The following RELCH variants were observed in gnomAD, a reference collection of about 807,000 sequenced individuals.
The protein encoded by RELCH is RAB11-binding protein RELCH.
In RELCH, 41 loss-of-function variants were observed where a neutral mutation model predicts 150.3. The observed-to-expected ratio is 0.27, with a 90% CI of 0.21 to 0.35. The LOEUF (loss-of-function observed/expected upper bound fraction) is 0.35. Ranked by LOEUF, RELCH falls within the 10% of genes least tolerant of loss-of-function variation. RELCH has a pLI of 1.00. For missense variants in RELCH, 1,092 were observed against 1,467.8 expected (o/e 0.74, Z 4.18); for synonymous variants, 478 against 531.8 (o/e 0.90, Z 1.39).
At chr18:62,277,655 G>A (rs1348286619) in intron 22 of RELCH, 1 of 975,076 alleles carries the variant, frequency 1.0e-6, no homozygotes, top group Non-Finnish European at 1.2e-6. Context: ...AACCTAATAG[G>A]GTATGGTCAC....
In RELCH at chr18:62,306,347, G is replaced by A. The variant is rs1741548019; in HGVS notation, c.*813G>A. The A allele has an allele frequency of 6.6e-6, 1 of 152,166 alleles. No homozygotes were observed. Among genetic ancestry groups the A allele is most frequent in the South Asian group, 2.1e-4 (1 of 4,830 alleles). The allele number at this position is 152,166 out of a possible 1,614,324, so 9.4% of individuals were successfully genotyped here. On this transcript the variant is annotated 3_prime_UTR_variant, in exon 29 of 29. Transcript: ENST00000644646. ...ATGTAACTGAGAAGAGTTAATAATTGTGAGATTTTTCCCAAATTGAGATAC... is the reference window on the plus strand; with the variant it reads ...ATGTAACTGAGAAGAGTTAATAATTATGAGATTTTTCCCAAATTGAGATAC...
intron 2 of RELCH, among the ~76,000 whole-genome samples, chr18:62,214,639 A>G (rs1279118148): frequency 2.0e-5 from 3 of 152,134 alleles, no homozygotes; most frequent in African/African-American, 7.2e-5. Context: ...TTTGAAATCT[A>G]GGTGCAGGCT....
rs143595897 is a variant in RELCH, at chr18:62,243,259, G to A, written c.1621-1505G>A. On this transcript the variant is annotated intron_variant, in intron 10 of 28. Coordinates refer to ENST00000644646, the MANE Select transcript of RELCH (RefSeq NM_001346231.2). ...CTACCCTAATATTGTTAAATTTCCA[G>A]CCAGACAGAATATTTACTATTTTGT... Among the ~76,000 whole-genome samples the A allele has an allele frequency of 2.1e-3, 314 of 152,082 alleles. 2 individuals carry two copies. The highest frequency in any genetic ancestry group is 7.1e-3 in the African/African-American group (295 of 41,512).
intron 18 of RELCH, among the ~76,000 whole-genome samples, chr18:62,265,942 G>A (rs1600148977): frequency 6.6e-6 from 1 of 151,790 alleles, no homozygotes. Flanking sequence ...AAATTATTTT[G>A]TATTTTTCAC....
At chr18:62,235,231 TC>T (rs2041821803) in intron 10 of RELCH, 1 of 152,068 alleles carries the variant, frequency 6.6e-6, no homozygotes, top group African/African-American at 2.4e-5. Flanking sequence ...AAAAAATTCC[TC>T]TTTTGAATAG....
chr18:62,241,027 C>T (rs1024263188), intron 10 of RELCH, among the ~76,000 whole-genome samples: 2 of 152,006 alleles, frequency 1.3e-5, no homozygotes, highest in Non-Finnish European at 2.9e-5. Context: ...TCTTCCTGTG[C>T]AAAGCTATCA....
Position 62,213,057 on chromosome 18 carries a change from A to C in RELCH, c.616+1815A>C, listed in dbSNP as rs190917257. 5.3e-5 allele frequency among the ~76,000 whole-genome samples: 8 copies of C among 152,330 alleles called. No homozygotes were observed. In the East Asian group the frequency reaches 1.5e-3, roughly 29 times the overall value. On this transcript the variant is annotated intron_variant, in intron 2 of 28. Coordinates refer to ENST00000644646, the MANE Select transcript of RELCH (RefSeq NM_001346231.2). ...AGCATCATTTATTGACAACTGTATC[A>C]AAGTGGCAAATCACATTGGTAATAT...
chr18:62,284,171 A>G (rs1397402063), intron 25 of RELCH: 1 of 152,228 alleles, frequency 6.6e-6, no homozygotes, highest in East Asian at 1.9e-4. Context: ...CATAGTGTCA[A>G]TATCTTAATT....
chr18:62,294,405 CATT>C (rs1424728043), intron 27 of RELCH, among the ~76,000 whole-genome samples: 1 of 152,062 alleles, frequency 6.6e-6, no homozygotes, highest in Non-Finnish European at 1.5e-5. Context: ...ATAAAATTAC[CATT>C]ATGTTTCTGA....
intron 22 of RELCH, 40 bp downstream of exon 22, chr18:62,275,513 AT>A (rs369130664): frequency 0.054 from 53,561 of 991,394 alleles, 2 homozygotes; most frequent in East Asian, 0.12. Context: ...AATTATAATG[AT>A]TTTTTTTTTT....
At chr18:62,205,626 C>T (rs1028748657) in intron 1 of RELCH, among the ~76,000 whole-genome samples, 1 of 152,140 alleles carries the variant, frequency 6.6e-6, no homozygotes, top group Non-Finnish European at 1.5e-5. Flanking sequence ...TCTGTGGTTA[C>T]TGTATTTGGT....
At chr18:62,246,882 A>G (rs2042441879) in intron 11 of RELCH, 1 of 152,202 alleles carries the variant, frequency 6.6e-6, no homozygotes, top group South Asian at 2.1e-4. Context: ...TCACAAACAA[A>G]GCCAGATAAA....
At chr18:62,240,726 CTG>C (rs1431938832) in intron 10 of RELCH, among the ~76,000 whole-genome samples, 2 of 152,124 alleles carry the variant, frequency 1.3e-5, no homozygotes, top group Non-Finnish European at 1.5e-5. Flanking sequence ...CATAGACACT[CTG>C]TTAAATATTT....
At chr18:62,222,013 A>G (rs1352759157) in intron 5 of RELCH, among the ~76,000 whole-genome samples, 2 of 152,008 alleles carry the variant, frequency 1.3e-5, no homozygotes, top group African/African-American at 4.8e-5. Context: ...TTTAAGCAAA[A>G]AAGATGTCTT....
chr18:62,273,910 G>T, intron 20 of RELCH, 70 bp from the exon 21 acceptor site: 2 of 909,526 alleles, frequency 2.2e-6, no homozygotes, highest in Non-Finnish European at 1.8e-6. Flanking sequence ...TCTAATTATA[G>T]ATAGGTAAAT....
At position 62,258,097 on chromosome 18, in the gene RELCH, T is replaced by C. The variant is rs779467144; in HGVS notation, c.2037+9T>C. The C allele has an allele frequency of 1.9e-6, 3 of 1,589,180 alleles. No homozygotes were observed. The highest frequency in any genetic ancestry group is 2.6e-6 in the Non-Finnish European group (3 of 1,167,752). On this transcript the variant is annotated intron_variant, in intron 14 of 28. Transcript: ENST00000644646. The stretch of plus-strand genomic sequence containing the variant: ...CAGACAAATATCATCAGGTATGTTT[T>C]TCAGAATGAACTGATTTTACTCCAT...
At chr18:62,291,746 A>G (rs984247216) in intron 27 of RELCH, 115 bp downstream of exon 27, 7 of 652,112 alleles carry the variant, frequency 1.1e-5, no homozygotes, top group African/African-American at 7.6e-5. Flanking sequence ...ATCTAGCTCA[A>G]TGTCATTTTA....
At chr18:62,264,415 G>A (rs113081000) in intron 17 of RELCH, among the ~76,000 whole-genome samples, 2 of 151,994 alleles carry the variant, frequency 1.3e-5, no homozygotes, top group Non-Finnish European at 2.9e-5. Context: ...TCATTTTTGA[G>A]GCTAAAATGA....
intron 20 of RELCH, among the ~76,000 whole-genome samples, chr18:62,271,716 T>A (rs1353517357): frequency 2.0e-5 from 3 of 152,210 alleles, no homozygotes; most frequent in Non-Finnish European, 2.9e-5. Context: ...TTTTTATGGT[T>A]TTAGGTCTAA....
Sources: gnomAD v4.1 joint callset for allele counts (sites outside exome capture counted in the v4.1 genomes callset) on GRCh38, gnomAD v4.1.1 for gene constraint, MANE v1.5 for transcripts, NCBI Gene and HGNC (gene_info 2026-07-23, HGNC 2026-07-21) for gene names.